The following EEIG2 variants were observed in gnomAD, a reference collection of about 807,000 sequenced individuals.
EEIG2 encodes family with sequence similarity 102 member B.
the EEIG2 span, among the ~76,000 whole-genome samples, chr1:108,609,833 TA>T: frequency 6.6e-6 from 1 of 151,846 alleles, no homozygotes; most frequent in Non-Finnish European, 1.5e-5. Flanking sequence ...TGTTCTCACT[TA>T]TAAGTGCAAG....
At chr1:108,639,039 G>A in the EEIG2 span, 1 of 152,272 alleles carries the variant, frequency 6.6e-6, no homozygotes, top group Non-Finnish European at 1.5e-5. Context: ...CTCATTTGAG[G>A]TTCCCCTTCC....
At chr1:108,622,667 C>T in the EEIG2 span, among the ~76,000 whole-genome samples, 25 of 152,210 alleles carry the variant, frequency 1.6e-4, no homozygotes, top group Non-Finnish European at 2.9e-4. Flanking sequence ...TACTTGAAAG[C>T]GTCTCAATAG....
the EEIG2 span, chr1:108,639,030 T>A: frequency 6.6e-6 from 1 of 152,360 alleles, no homozygotes; most frequent in East Asian, 1.9e-4. Flanking sequence ...AAAAGACATC[T>A]CATTTGAGGT....
chr1:108,634,465 G>A, the EEIG2 span, among the ~76,000 whole-genome samples: 1 of 152,324 alleles, frequency 6.6e-6, no homozygotes, highest in Middle Eastern at 3.4e-3. Context: ...CACACTCATG[G>A]TAAAATGACA....
chr1:108,626,529 C>A, the EEIG2 span: 1 of 152,262 alleles, frequency 6.6e-6, no homozygotes. Context: ...TTATTGAGTC[C>A]TGCTATTTGT....
chr1:108,592,560 A>G, the EEIG2 span, among the ~76,000 whole-genome samples: 5 of 152,130 alleles, frequency 3.3e-5, no homozygotes, highest in South Asian at 2.1e-4. Flanking sequence ...GGCAGTATCT[A>G]TGTGTTCGGA....
the EEIG2 span, chr1:108,560,291 G>T: frequency 3.8e-6 from 2 of 526,260 alleles, no homozygotes. Flanking sequence ...GGCCGCGGCC[G>T]GCCTGCGGCG....
the EEIG2 span, chr1:108,625,062 C>A: frequency 4.4e-6 from 1 of 225,326 alleles, no homozygotes; most frequent in East Asian, 9.7e-5. Flanking sequence ...GCAGCTTCTG[C>A]CTCTCGGGTG....
At chr1:108,617,710 G>A in the EEIG2 span, among the ~76,000 whole-genome samples, 4 of 152,284 alleles carry the variant, frequency 2.6e-5, no homozygotes, top group Middle Eastern at 3.4e-3. Flanking sequence ...GTTAGAGGTC[G>A]GGGAGATTGG....
chr1:108,600,387 C>G, the EEIG2 span, among the ~76,000 whole-genome samples: 1 of 151,878 alleles, frequency 6.6e-6, no homozygotes, highest in African/African-American at 2.4e-5. Flanking sequence ...TAATTAAAAC[C>G]TTCCAAAGAT....
chr1:108,638,634 C>T, the EEIG2 span: 4 of 152,078 alleles, frequency 2.6e-5, no homozygotes, highest in Non-Finnish European at 4.4e-5. Context: ...CTAGATGGTA[C>T]GTCATGTGAA....
chr1:108,571,409 AG>A, the EEIG2 span, among the ~76,000 whole-genome samples: 2 of 152,146 alleles, frequency 1.3e-5, no homozygotes, highest in Non-Finnish European at 2.9e-5. Context: ...TAAGAGTATG[AG>A]GGTTTGTTTA....
chr1:108,608,357 A>C, the EEIG2 span, among the ~76,000 whole-genome samples: 1 of 152,230 alleles, frequency 6.6e-6, no homozygotes, highest in African/African-American at 2.4e-5. Flanking sequence ...GAATCTGTTC[A>C]CTTTTCTATC....
chr1:108,581,349 G>A, the EEIG2 span, among the ~76,000 whole-genome samples: 1 of 152,152 alleles, frequency 6.6e-6, no homozygotes, highest in African/African-American at 2.4e-5. Flanking sequence ...GCAGCTTGTG[G>A]ATCAAAAAGT....
At chr1:108,589,101 C>T in the EEIG2 span, among the ~76,000 whole-genome samples, 1 of 152,052 alleles carries the variant, frequency 6.6e-6, no homozygotes, top group African/African-American at 2.4e-5. Context: ...CTTTTTATCT[C>T]CTCATGATGG....
At chr1:108,629,580 TA>T in the EEIG2 span, 4 of 1,596,964 alleles carry the variant, frequency 2.5e-6, no homozygotes, top group Non-Finnish European at 3.4e-6. Flanking sequence ...TTTAAATGTG[TA>T]TTGCAGAAGA....
chr1:108,563,640 G>A, the EEIG2 span, among the ~76,000 whole-genome samples: 1 of 152,084 alleles, frequency 6.6e-6, no homozygotes. Context: ...ATTTGGCTTT[G>A]TACAACAACT....
the EEIG2 span, among the ~76,000 whole-genome samples, chr1:108,595,553 G>A: frequency 7.3e-6 from 1 of 137,894 alleles, no homozygotes; most frequent in African/African-American, 2.7e-5. Context: ...CTTTTACGGA[G>A]GGAGAGAGGG....
chr1:108,630,895 C>T, the EEIG2 span, among the ~76,000 whole-genome samples: 2 of 152,158 alleles, frequency 1.3e-5, no homozygotes, highest in Non-Finnish European at 2.9e-5. Context: ...GTGGTCAAAA[C>T]CTAAAAGAAT....
Sources: gnomAD v4.1 joint callset for allele counts (sites outside exome capture counted in the v4.1 genomes callset) on GRCh38, gnomAD v4.1.1 for gene constraint, MANE v1.5 for transcripts, NCBI Gene and HGNC (gene_info 2026-07-23, HGNC 2026-07-21) for gene names.